Variants in ACVR1 observed in about 807,000 individuals in gnomAD.
ACVR1 encodes activin A receptor type 1.
ACVR1 carries 38 observed loss-of-function variants against 57.1 expected under a neutral mutation model. The ratio of observed to expected loss-of-function variants is 0.67; its 90% confidence interval spans 0.51 to 0.87. ACVR1 has a LOEUF of 0.87. ACVR1 is among the 40% of genes least tolerant of loss of function. The pLI, the probability that ACVR1 is intolerant of heterozygous loss-of-function variation, is 0.00. For synonymous variants in ACVR1, 212 were observed against 228.1 expected (o/e 0.93, Z 0.63); for missense variants, 463 against 638.2 (o/e 0.73, Z 2.96).
chr2:157,812,044 C>A (rs959849788), intron 2 of ACVR1, among the ~76,000 whole-genome samples: 6 of 152,120 alleles, frequency 3.9e-5, no homozygotes, highest in Admixed American at 3.9e-4. Context: ...ACCTTATAAA[C>A]TGAATTTGAA....
intron 2 of ACVR1, among the ~76,000 whole-genome samples, chr2:157,813,933 T>TA (rs1687843943): frequency 6.6e-6 from 1 of 152,176 alleles, no homozygotes; most frequent in Non-Finnish European, 1.5e-5. Context: ...CAGGAGATAG[T>TA]AAGTTTTTAA....
At chr2:157,782,375 T>C (rs1686553843) in intron 3 of ACVR1, among the ~76,000 whole-genome samples, 1 of 152,220 alleles carries the variant, frequency 6.6e-6, no homozygotes, top group Non-Finnish European at 1.5e-5. Flanking sequence ...ACAGTCTATG[T>C]ATGTCACCAG....
chr2:157,777,938 A>G (rs987668914), intron 5 of ACVR1, among the ~76,000 whole-genome samples, 193 bp downstream of exon 5: 3 of 152,196 alleles, frequency 2.0e-5, no homozygotes, highest in Non-Finnish European at 4.4e-5. Context: ...TTAAATGTCT[A>G]TCTAAAATGG....
At chr2:157,790,974 A>T (rs1483771798) in intron 3 of ACVR1, among the ~76,000 whole-genome samples, 1 of 152,168 alleles carries the variant, frequency 6.6e-6, no homozygotes, top group African/African-American at 2.4e-5. Flanking sequence ...ACCGCTCATG[A>T]TCTCATGATC....
chr2:157,845,057 GA>G (rs1338175420), intron 1 of ACVR1, among the ~76,000 whole-genome samples: 3 of 152,274 alleles, frequency 2.0e-5, no homozygotes, highest in African/African-American at 7.2e-5. Flanking sequence ...CTAAGACAAG[GA>G]CTTATGATTT....
At chr2:157,832,994 C>T (rs984068782) in intron 1 of ACVR1, among the ~76,000 whole-genome samples, 1 of 152,126 alleles carries the variant, frequency 6.6e-6, no homozygotes, top group African/African-American at 2.4e-5. Context: ...ATTTTAACAC[C>T]ATTCTCATTT....
chr2:157,738,585 A>G lies in ACVR1; in HGVS notation c.1265-15T>C. The G allele has an allele frequency of 1.2e-6, 2 of 1,614,012 alleles. No homozygotes were observed. Among genetic ancestry groups the G allele is most frequent in the South Asian group, 1.1e-5 (1 of 91,082 alleles). ...CTCCACTATACCTGCACACAAGGAC[A>G]AGAATTGTGTTCGGTTAGCAAGAGA... On this transcript the variant is annotated splice_polypyrimidine_tract_variant and intron_variant, in intron 9 of 10. Transcript: ENST00000434821.
chr2:157,760,836 G>T, intron 9 of ACVR1, 44 bp downstream of exon 9: 1 of 1,588,706 alleles, frequency 6.3e-7, no homozygotes, highest in South Asian at 1.1e-5. Context: ...GCTGGATCAA[G>T]AGAACTTGGA....
chr2:157,802,007 C>G (rs1186444854), intron 2 of ACVR1, among the ~76,000 whole-genome samples: 1 of 152,084 alleles, frequency 6.6e-6, no homozygotes, highest in African/African-American at 2.4e-5. Context: ...TGGTGGTAAT[C>G]AAATAATCAT....
intron 2 of ACVR1, among the ~76,000 whole-genome samples, chr2:157,807,856 G>GT (rs1687607539): frequency 9.7e-6 from 1 of 103,298 alleles, no homozygotes; most frequent in Admixed American, 1.1e-4. Flanking sequence ...TAATAATTTG[G>GT]GGGGGGGGGT....
At chr2:157,764,451 T>C (rs1685788727) in intron 8 of ACVR1, among the ~76,000 whole-genome samples, 1 of 151,222 alleles carries the variant, frequency 6.6e-6, no homozygotes, top group Non-Finnish European at 1.5e-5. Context: ...CAAGTGATCC[T>C]TCCGCCTCGG....
intron 1 of ACVR1, among the ~76,000 whole-genome samples, chr2:157,820,762 C>G (rs541409980): frequency 7.8e-4 from 119 of 152,162 alleles, no homozygotes; most frequent in Non-Finnish European, 1.5e-3. Flanking sequence ...TATTTATATT[C>G]TATATGACGA....
In ACVR1 at chr2:157,873,181, A is replaced by G. The variant is rs377164699; in HGVS notation, c.-183+2615T>C. On this transcript the variant is annotated intron_variant, in intron 1 of 10. Coordinates refer to ENST00000434821, the MANE Select transcript of ACVR1 (RefSeq NM_001111067.4). ...AGGAAGACAGTATGTGAGTGAATGA[A>G]CTTTGACAATCACTGGCAAAAGTGG... 3.7e-4 allele frequency among the ~76,000 whole-genome samples: 56 copies of G among 152,298 alleles called. No homozygotes were observed. In the South Asian group the frequency reaches 9.3e-3, roughly 25 times the overall value.
intron 7 of ACVR1, among the ~76,000 whole-genome samples, chr2:157,769,013 G>A (rs1685979420): frequency 6.6e-6 from 1 of 152,222 alleles, no homozygotes; most frequent in Non-Finnish European, 1.5e-5. Context: ...CAAAGTCGGG[G>A]AATGCAGAAA....
At chr2:157,825,760 T>C (rs564848831) in intron 1 of ACVR1, among the ~76,000 whole-genome samples, 1 of 152,322 alleles carries the variant, frequency 6.6e-6, no homozygotes, top group Non-Finnish European at 1.5e-5. Flanking sequence ...GTAGCTTTAA[T>C]CCAGCTATAT....
intron 4 of ACVR1, among the ~76,000 whole-genome samples, chr2:157,778,805 A>T (rs899827944): frequency 3.9e-5 from 6 of 152,034 alleles, no homozygotes; most frequent in Non-Finnish European, 5.9e-5. Flanking sequence ...TTTACATCAC[A>T]ATTTCTGCCT....
At position 157,782,278 on chromosome 2, in the gene ACVR1, T is replaced by C. The variant is rs569340897; in HGVS notation, c.68-1678A>G. ...CACAGACACAGCCTTCTATTTATAATTGACTTGCTAGTTCCTTTGAAAACC... is the reference window on the plus strand; with the variant it reads ...CACAGACACAGCCTTCTATTTATAACTGACTTGCTAGTTCCTTTGAAAACC... On this transcript the variant is annotated intron_variant, in intron 3 of 10. Coordinates refer to ENST00000434821, the MANE Select transcript of ACVR1 (RefSeq NM_001111067.4). Among the ~76,000 whole-genome samples, 4 of 152,326 alleles carry C rather than the reference T, an allele frequency of 2.6e-5. No individual in the cohort carries two copies. The East Asian group carries it at 5.8e-4, about 22-fold the overall frequency.
chr2:157,873,528 G>A (rs1489841957), intron 1 of ACVR1, among the ~76,000 whole-genome samples: 1 of 152,202 alleles, frequency 6.6e-6, no homozygotes, highest in Non-Finnish European at 1.5e-5. Context: ...AAGATGCAGA[G>A]ATCCAAGAGC....
intron 1 of ACVR1, among the ~76,000 whole-genome samples, chr2:157,828,309 G>T (rs1688460777): frequency 6.6e-6 from 1 of 152,098 alleles, no homozygotes; most frequent in South Asian, 2.1e-4. Flanking sequence ...AATTAGCCAA[G>T]CATGATGGCG....
Sources: gnomAD v4.1 joint callset for allele counts (sites outside exome capture counted in the v4.1 genomes callset) on GRCh38, gnomAD v4.1.1 for gene constraint, MANE v1.5 for transcripts, NCBI Gene and HGNC (gene_info 2026-07-23, HGNC 2026-07-21) for gene names.